HOXC5: variants seen among roughly 807,000 people sequenced by gnomAD.
HOXC5 encodes the protein homeobox C5.
A neutral mutation model predicts 20.1 loss-of-function variants in HOXC5; 19 were observed. The observed-to-expected ratio is 0.94, with a 90% CI of 0.66 to 1.38. The LOEUF (loss-of-function observed/expected upper bound fraction) is 1.38, where lower values mean the gene tolerates loss of function less well. Among genes scored for constraint, HOXC5 ranks in the 40% most tolerant of loss-of-function variants. HOXC5 has a pLI of 0.00. For synonymous variants in HOXC5, 124 were observed against 117.0 expected, an observed-to-expected ratio of 1.06 and a Z score of -0.39; for missense variants, 330 against 300.1, an observed-to-expected ratio of 1.10 and a Z score of -0.74.
the HOXC5 span, among the ~76,000 whole-genome samples, chr12:54,026,976 G>GGA: frequency 0.025 from 3,568 of 143,174 alleles, 64 homozygotes; most frequent in East Asian, 0.037. Flanking sequence ...GGGGGGGGGG[G>GGA]ATATGAGCTT....
chr12:54,029,980 A>G (rs1257429842), upstream of HOXC5: 1 of 1,512,100 alleles, frequency 6.6e-7, no homozygotes, highest in East Asian at 2.3e-5. Context: ...TGTCCCTGCC[A>G]CCCCTCTCTC....
the HOXC5 span, among the ~76,000 whole-genome samples, chr12:54,018,829 G>T: frequency 8.6e-3 from 1,313 of 152,206 alleles, 21 homozygotes; most frequent in African/African-American, 0.03. Context: ...TCTAAGCCAA[G>T]ACACCCCCTC....
intron 1 of HOXC5, 131 bp from the exon 2 acceptor site, chr12:54,034,147 C>A: frequency 1.1e-6 from 1 of 896,176 alleles, no homozygotes. Flanking sequence ...GCCTGCGGCC[C>A]GCGTGGCCTG....
the HOXC5 span, among the ~76,000 whole-genome samples, chr12:54,024,338 C>T: frequency 2.0e-5 from 3 of 152,144 alleles, no homozygotes; most frequent in African/African-American, 7.2e-5. Context: ...GGCTCCAGTG[C>T]TTGGGTCCCC....
At chr12:54,025,527 T>TGG in the HOXC5 span, among the ~76,000 whole-genome samples, 24 of 12,668 alleles carry the variant, frequency 1.9e-3, no homozygotes, top group South Asian at 5.5e-3. Flanking sequence ...GAAAGGTAAT[T>TGG]GGGGGGGGGG....
chr12:54,024,816 C>T, the HOXC5 span, among the ~76,000 whole-genome samples: 235 of 152,294 alleles, frequency 1.5e-3, no homozygotes, highest in Non-Finnish European at 2.0e-3. Flanking sequence ...GGACTCCAGG[C>T]CAGTGACTGC....
chr12:54,020,710 G>C, the HOXC5 span: 1 of 152,140 alleles, frequency 6.6e-6, no homozygotes, highest in Non-Finnish European at 1.5e-5. Flanking sequence ...TGGGCTCATG[G>C]AGGCACCGGG....
In HOXC5 at chr12:54,033,449, G is replaced by A; in HGVS notation, c.327G>A (p.Glu109=). ...YSQKAARPAL[E]ERAKSSGEIK... The stretch of plus-strand genomic sequence containing the variant: ...AGAAGGCGGCTCGCCCGGCGCTGGA[G>A]GAGCGAGCTAAGAGCAGTGGGGAGA... The change falls in exon 1 of 2, where the codon GAG becomes GAA. Residue 109 remains glutamate (E), a synonymous_variant. Transcript: ENST00000312492. The A allele has an allele frequency of 6.2e-7, 1 of 1,600,298 alleles. No homozygotes were observed. The highest frequency in any genetic ancestry group is 8.5e-7 in the Non-Finnish European group (1 of 1,174,610).
At chr12:54,017,425 C>G in the HOXC5 span, 1 of 151,380 alleles carries the variant, frequency 6.6e-6, no homozygotes, top group Non-Finnish European at 1.5e-5. Context: ...GTAAGTGTTT[C>G]CTTATTGGTT....
At chr12:54,026,408 T>G in the HOXC5 span, among the ~76,000 whole-genome samples, 1 of 152,210 alleles carries the variant, frequency 6.6e-6, no homozygotes, top group African/African-American at 2.4e-5. Context: ...CTCACATTGG[T>G]GTCTATGTTT....
upstream of HOXC5, chr12:54,032,932 A>T (rs767773226): frequency 9.1e-6 from 5 of 549,238 alleles, no homozygotes; most frequent in Non-Finnish European, 1.6e-5. Context: ...AGCCAAATTT[A>T]TGAGTGGCCG....
chr12:54,032,602 C>T (rs1472040104), upstream of HOXC5, among the ~76,000 whole-genome samples: 1 of 152,144 alleles, frequency 6.6e-6, no homozygotes, highest in African/African-American at 2.4e-5. Flanking sequence ...ATAAGTGGGG[C>T]CTCGTCTTTT....
At chr12:54,018,248 C>G in the HOXC5 span, among the ~76,000 whole-genome samples, 1 of 152,238 alleles carries the variant, frequency 6.6e-6, no homozygotes, top group Non-Finnish European at 1.5e-5. Flanking sequence ...GTCCGGCGCC[C>G]CTCACCCCCA....
chr12:54,032,589 G>A (rs1194597072), upstream of HOXC5, among the ~76,000 whole-genome samples: 1 of 152,216 alleles, frequency 6.6e-6, no homozygotes. Context: ...CACTCTGTGC[G>A]TTATAAGTGG....
rs200703154 is a variant in HOXC5 at position 54,033,324 on chromosome 12, C to A, written c.202C>A (p.Arg68=). The change falls in exon 1 of 2, where the codon CGG becomes AGG. Residue 68 remains arginine, a synonymous_variant. Coordinates refer to ENST00000312492, the MANE Select transcript of HOXC5 (RefSeq NM_018953.4). ...LHGVDMAANP[R]AHPDRPACSA... ...CGGGGTAGACATGGCTGCCAACCCC[C>A]GGGCTCACCCCGACCGCCCCGCCTG... is the stretch of plus-strand genomic sequence containing the variant. 4 of 1,613,620 alleles carry A rather than the reference C, an allele frequency of 2.5e-6. No individual in the cohort carries two copies. The African/African-American group carries it at 5.3e-5, about 22-fold the overall frequency.
At chr12:54,019,496 G>T in the HOXC5 span, among the ~76,000 whole-genome samples, 1 of 152,142 alleles carries the variant, frequency 6.6e-6, no homozygotes, top group Non-Finnish European at 1.5e-5. Flanking sequence ...GGGAATCGCC[G>T]ACCGGTGAGG....
the HOXC5 span, among the ~76,000 whole-genome samples, chr12:54,026,764 C>G: frequency 6.6e-6 from 1 of 152,168 alleles, no homozygotes; most frequent in Non-Finnish European, 1.5e-5. Flanking sequence ...ATTTTTCCCC[C>G]CTAGCGACAC....
upstream of HOXC5, chr12:54,028,868 A>G: frequency 6.2e-7 from 1 of 1,613,904 alleles, no homozygotes; most frequent in Non-Finnish European, 8.5e-7. Flanking sequence ...CCCCAGGACC[A>G]GAAAGCCAGT....
upstream of HOXC5, chr12:54,028,409 AT>A: frequency 8.1e-7 from 1 of 1,230,224 alleles, no homozygotes; most frequent in Non-Finnish European, 1.1e-6. Context: ...TGACTTTGTC[AT>A]TTTGTCTGTC....
Sources: allele counts gnomAD v4.1 joint callset (sites outside exome capture counted in the v4.1 genomes callset), GRCh38; gene constraint gnomAD v4.1.1; transcripts MANE v1.5; gene names NCBI Gene and HGNC (gene_info 2026-07-23, HGNC 2026-07-21).